VWA3B: variants seen among roughly 807,000 people sequenced by gnomAD.
VWA3B encodes the protein von Willebrand factor A domain-containing protein 3B.
VWA3B carries 138 observed loss-of-function variants against 158.3 expected under a neutral mutation model. That is an observed-to-expected ratio of 0.87 (90% confidence interval 0.76 to 1.00). The LOEUF (loss-of-function observed/expected upper bound fraction) is 1.00. VWA3B is among the 50% of genes least tolerant of loss of function. The pLI is 0.00. For synonymous variants in VWA3B, 596 were observed against 587.3 expected, an observed-to-expected ratio of 1.01 and a Z score of -0.21; for missense variants, 1,555 against 1,565.1, an observed-to-expected ratio of 0.99 and a Z score of 0.11.
At chr2:98,152,244 C>T (rs1340566442) in intron 7 of VWA3B, among the ~76,000 whole-genome samples, 4 of 152,202 alleles carry the variant, frequency 2.6e-5, no homozygotes, top group African/African-American at 9.7e-5. Flanking sequence ...TCTCTGTTGT[C>T]AGACTGAGCT....
chr2:98,131,812 G>T (rs1017684091), intron 6 of VWA3B, among the ~76,000 whole-genome samples: 1 of 152,178 alleles, frequency 6.6e-6, no homozygotes, highest in Non-Finnish European at 1.5e-5. Flanking sequence ...TGCCCAGAGA[G>T]CTTGATTGAG....
chr2:98,148,171 G>T (rs1677329730), intron 7 of VWA3B, among the ~76,000 whole-genome samples: 1 of 152,118 alleles, frequency 6.6e-6, no homozygotes, highest in African/African-American at 2.4e-5. Flanking sequence ...TTTGAACATT[G>T]TGGGGTAATC....
At chr2:98,263,186 T>C (rs1687589834) in intron 21 of VWA3B, among the ~76,000 whole-genome samples, 1 of 151,936 alleles carries the variant, frequency 6.6e-6, no homozygotes, top group Non-Finnish European at 1.5e-5. Context: ...TAGGGTTTTC[T>C]ACATGGAAAA....
the VWA3B span, among the ~76,000 whole-genome samples, chr2:98,321,067 A>C: frequency 6.6e-6 from 1 of 152,220 alleles, no homozygotes; most frequent in East Asian, 1.9e-4. Flanking sequence ...TTTCAGCTTC[A>C]GCCATGAGGT....
At chr2:98,167,642 C>A (rs1381416508) in intron 8 of VWA3B, among the ~76,000 whole-genome samples, 1 of 152,156 alleles carries the variant, frequency 6.6e-6, no homozygotes, top group Non-Finnish European at 1.5e-5. Flanking sequence ...GAGACAGATG[C>A]ACAGAGAGAG....
intron 7 of VWA3B, among the ~76,000 whole-genome samples, chr2:98,148,199 T>G (rs1246147018): frequency 6.6e-6 from 1 of 152,180 alleles, no homozygotes; most frequent in Non-Finnish European, 1.5e-5. Flanking sequence ...TTGAATTGCT[T>G]TCCAAAAAAT....
chr2:98,126,772 A>G (rs1235524646), intron 5 of VWA3B, among the ~76,000 whole-genome samples: 1 of 152,228 alleles, frequency 6.6e-6, no homozygotes, highest in African/African-American at 2.4e-5. Context: ...CCTGAGAGAA[A>G]GAGGCCTGGG....
chr2:98,183,189 CTTTTTTTTTTTT>C (rs1244544813), intron 9 of VWA3B, among the ~76,000 whole-genome samples: 2 of 124,618 alleles, frequency 1.6e-5, no homozygotes, highest in African/African-American at 6.2e-5. Context: ...GTACAGCTCC[CTTTTTTTTTTTT>C]TTTTTTTTTA....
At chr2:98,227,935 G>C (rs1028842405) in intron 14 of VWA3B, among the ~76,000 whole-genome samples, 1 of 152,192 alleles carries the variant, frequency 6.6e-6, no homozygotes. Flanking sequence ...CTAAAAATGG[G>C]ATAATATAAG....
intron 7 of VWA3B, among the ~76,000 whole-genome samples, chr2:98,139,842 C>A (rs1407375879): frequency 6.6e-6 from 1 of 152,044 alleles, no homozygotes; most frequent in Non-Finnish European, 1.5e-5. Flanking sequence ...GTGGTAACCC[C>A]CTCAGGTCCC....
At chr2:98,243,085 C>T (rs1032805610) in intron 19 of VWA3B, among the ~76,000 whole-genome samples, 5 of 152,102 alleles carry the variant, frequency 3.3e-5, no homozygotes, top group African/African-American at 1.2e-4. Flanking sequence ...GATCTTCTTA[C>T]TTTCTGTATA....
At chr2:98,244,778 A>G (rs1244048334) in intron 19 of VWA3B, among the ~76,000 whole-genome samples, 1 of 152,190 alleles carries the variant, frequency 6.6e-6, no homozygotes, top group Non-Finnish European at 1.5e-5. Context: ...TTGAATAAGA[A>G]ATTATGTAGA....
intron 23 of VWA3B, among the ~76,000 whole-genome samples, chr2:98,297,227 G>T (rs977526510): frequency 2.0e-5 from 3 of 151,958 alleles, no homozygotes; most frequent in Non-Finnish European, 2.9e-5. Context: ...GATTACAGGC[G>T]TGTGCCACCA....
chr2:98,237,138 C>T lies in VWA3B; in HGVS notation c.2673+408C>T, dbSNP rs1016950332. On this transcript the variant is annotated intron_variant, in intron 19 of 27. Coordinates refer to ENST00000477737, the MANE Select transcript of VWA3B (RefSeq NM_144992.5). The stretch of plus-strand genomic sequence containing the variant: ...CTGCAGTGAGCGGTGATTGCGTCAC[C>T]GCATTCCAGCCTGGGTGACAAAGCG... Among the ~76,000 whole-genome samples, 8 of 152,186 alleles carry T rather than the reference C, an allele frequency of 5.3e-5. 1 individual carries two copies. The highest frequency in any genetic ancestry group is 3.9e-4 in the East Asian group (2 of 5,186).
chr2:98,305,192 T>C (rs6543485), intron 26 of VWA3B, among the ~76,000 whole-genome samples: 149,590 of 152,232 alleles, frequency 0.98, 73,519 homozygotes, highest in Middle Eastern at 1. Flanking sequence ...TCACTGCCTC[T>C]CACTGCCTCC....
In VWA3B at chr2:98,128,123, A is replaced by G. The variant is rs866433674; in HGVS notation, c.703-116A>G. ...TCAGAAAACCCTGGGCAGGGCTGCT[A>G]TTCTTTCTGCCCATTTTTTCTAAGA... On this transcript the variant is annotated intron_variant, in intron 5 of 27. Coordinates refer to ENST00000477737, the MANE Select transcript of VWA3B (RefSeq NM_144992.5). 17 of 1,279,162 alleles carry G rather than the reference A, an allele frequency of 1.3e-5. No homozygotes were observed. In the African/African-American group the frequency reaches 1.6e-4, roughly 12 times the overall value. 79.2% of individuals were successfully genotyped at this position (1,279,162 alleles called of 1,614,324 possible). A position where few individuals can be genotyped will look rare whatever the true frequency, so the allele number is the denominator to read the frequency against.
At chr2:98,162,073 T>C (rs1678642364) in intron 7 of VWA3B, among the ~76,000 whole-genome samples, 1 of 152,140 alleles carries the variant, frequency 6.6e-6, no homozygotes, top group Admixed American at 6.5e-5. Flanking sequence ...GCTGGGACCT[T>C]GACTTTGATA....
downstream of VWA3B, among the ~76,000 whole-genome samples, chr2:98,318,220 G>C (rs551452747): frequency 6.6e-6 from 1 of 152,060 alleles, no homozygotes; most frequent in African/African-American, 2.4e-5. Flanking sequence ...CCCATTACTC[G>C]CTTTATACCC....
At chr2:98,315,583 A>G (rs183964420), downstream of VWA3B, among the ~76,000 whole-genome samples, 8 of 152,368 alleles carry the variant, frequency 5.3e-5, no homozygotes, top group East Asian at 1.5e-3. Context: ...TTCAAGTGAG[A>G]GTCATCTACA....
Sources: allele counts gnomAD v4.1 joint callset (sites outside exome capture counted in the v4.1 genomes callset), GRCh38; gene constraint gnomAD v4.1.1; transcripts MANE v1.5; gene names NCBI Gene and HGNC (gene_info 2026-07-23, HGNC 2026-07-21).